Variants in PTPRM observed in about 807,000 individuals in gnomAD.
PTPRM encodes protein tyrosine phosphatase receptor type M, also known as receptor-type tyrosine-protein phosphatase mu.
PTPRM carries 47 observed loss-of-function variants against 186.7 expected under a neutral mutation model. That is an observed-to-expected ratio of 0.25 (90% CI 0.20 to 0.32). The LOEUF (loss-of-function observed/expected upper bound fraction) is 0.32, where lower values mean the gene tolerates loss of function less well. Ranked by LOEUF, PTPRM falls within the 10% of genes least tolerant of loss-of-function variation. PTPRM has a pLI of 1.00. For synonymous variants in PTPRM, 668 were observed against 674.9 expected, an observed-to-expected ratio of 0.99 and a Z score of 0.16; for missense variants, 1,494 against 1,865.0, an observed-to-expected ratio of 0.80 and a Z score of 3.66.
intron 2 of PTPRM, among the ~76,000 whole-genome samples, chr18:7,783,004 A>G (rs2042928845): frequency 6.6e-6 from 1 of 152,238 alleles, no homozygotes; most frequent in African/African-American, 2.4e-5. Context: ...AAGTATACAA[A>G]TTAGCCTGTG....
chr18:7,676,657 G>A (rs113215674), intron 1 of PTPRM, among the ~76,000 whole-genome samples: 60 of 127,356 alleles, frequency 4.7e-4, no homozygotes, highest in African/African-American at 1.4e-3. Flanking sequence ...GTGTGTGTGT[G>A]TGTGTATGTG....
intron 7 of PTPRM, among the ~76,000 whole-genome samples, chr18:7,959,018 A>T (rs1254170212): frequency 1.3e-5 from 2 of 152,182 alleles, no homozygotes; most frequent in Non-Finnish European, 2.9e-5. Context: ...TAGACATAGG[A>T]CTAGAGAAAA....
At chr18:8,054,654 G>A (rs974374730) in intron 7 of PTPRM, among the ~76,000 whole-genome samples, 2 of 151,662 alleles carry the variant, frequency 1.3e-5, no homozygotes, top group African/African-American at 2.4e-5. Context: ...TCTTGTTGTC[G>A]GCAGTCTAAT....
chr18:8,312,934 T>C (rs1466566542), intron 20 of PTPRM, among the ~76,000 whole-genome samples: 10 of 152,170 alleles, frequency 6.6e-5, no homozygotes, highest in Admixed American at 6.5e-4. Context: ...AGTTAGAAAA[T>C]TGACACCGAT....
chr18:7,576,946 A>G (rs138280425), intron 1 of PTPRM, among the ~76,000 whole-genome samples: 194 of 152,370 alleles, frequency 1.3e-3, no homozygotes, highest in African/African-American at 4.5e-3. Context: ...ACATACTCAT[A>G]ATGTGTAAAA....
At chr18:8,246,475 T>C (rs1265920474) in intron 15 of PTPRM, among the ~76,000 whole-genome samples, 1 of 152,194 alleles carries the variant, frequency 6.6e-6, no homozygotes. Context: ...TTAGTTTTTA[T>C]GCTAGAAGAT....
chr18:7,887,183 G>A (rs1259153048), intron 2 of PTPRM, among the ~76,000 whole-genome samples: 2 of 151,938 alleles, frequency 1.3e-5, no homozygotes, highest in African/African-American at 4.8e-5. Flanking sequence ...ACCTATGATA[G>A]CCTATTTTCC....
intron 14 of PTPRM, among the ~76,000 whole-genome samples, chr18:8,240,631 GAGAGAGAGAGAGAGAGAGAGAGAA>G (rs1568583421): frequency 9.1e-5 from 4 of 44,064 alleles, no homozygotes; most frequent in Non-Finnish European, 2.0e-4. Context: ...GAGAGAGAGA[GAGAGAGAGAGAGAGAGAGAGAGAA>G]AGAAAGAAAG....
intron 1 of PTPRM, among the ~76,000 whole-genome samples, chr18:7,651,224 A>G (rs528326574): frequency 5.9e-5 from 9 of 152,310 alleles, no homozygotes; most frequent in African/African-American, 2.2e-4. Flanking sequence ...CGCCTGACCA[A>G]GATGAGAGGA....
intron 2 of PTPRM, among the ~76,000 whole-genome samples, chr18:7,859,785 G>A (rs1333214546): frequency 6.6e-6 from 1 of 152,148 alleles, no homozygotes; most frequent in Non-Finnish European, 1.5e-5. Flanking sequence ...AGATTCAGGG[G>A]TTTTTACAGA....
chr18:7,960,480 T>TACACACACAC (rs74175819), intron 7 of PTPRM, among the ~76,000 whole-genome samples: 1 of 86,600 alleles, frequency 1.2e-5, no homozygotes, highest in African/African-American at 4.4e-5. Context: ...TATATATATA[T>TACACACACAC]ACACACACAC....
intron 1 of PTPRM, among the ~76,000 whole-genome samples, chr18:7,609,921 G>A (rs2037630912): frequency 6.6e-6 from 1 of 152,202 alleles, no homozygotes; most frequent in South Asian, 2.1e-4. Context: ...GGTAATAAGA[G>A]TTGTGGCAAT....
chr18:7,911,938 C>T (rs1568003255), intron 4 of PTPRM, among the ~76,000 whole-genome samples: 1 of 147,936 alleles, frequency 6.8e-6, no homozygotes, highest in African/African-American at 2.5e-5. Context: ...CTGCAACCTC[C>T]GCCTCCCACG....
chr18:7,688,199 A>G (rs4127386), intron 1 of PTPRM, among the ~76,000 whole-genome samples: 3 of 152,106 alleles, frequency 2.0e-5, no homozygotes, highest in Non-Finnish European at 2.9e-5. Context: ...CCAGCCCGGT[A>G]GCACTTTTGA....
intron 4 of PTPRM, among the ~76,000 whole-genome samples, chr18:7,925,742 T>A (rs1205756557): frequency 6.6e-6 from 1 of 152,196 alleles, no homozygotes; most frequent in East Asian, 1.9e-4. Context: ...ACTCTATCAT[T>A]GTTATAATAA....
At chr18:7,939,628 T>C (rs1404892075) in intron 5 of PTPRM, among the ~76,000 whole-genome samples, 1 of 152,208 alleles carries the variant, frequency 6.6e-6, no homozygotes, top group Non-Finnish European at 1.5e-5. Context: ...GGCATCATCA[T>C]TATGGTTATT....
At chr18:7,602,210 G>T (rs1401475005) in intron 1 of PTPRM, among the ~76,000 whole-genome samples, 1 of 152,136 alleles carries the variant, frequency 6.6e-6, no homozygotes, top group African/African-American at 2.4e-5. Flanking sequence ...TGGGGACCTT[G>T]GTGTAGTTGT....
intron 22 of PTPRM, among the ~76,000 whole-genome samples, chr18:8,338,704 T>C (rs1013524021): frequency 3.3e-5 from 5 of 152,204 alleles, no homozygotes; most frequent in African/African-American, 1.2e-4. Flanking sequence ...ACATGTAAAC[T>C]ACTTCAAACA....
intron 1 of PTPRM, among the ~76,000 whole-genome samples, chr18:7,627,836 G>A (rs2038097390): frequency 6.6e-6 from 1 of 152,178 alleles, no homozygotes; most frequent in Non-Finnish European, 1.5e-5. Context: ...AACAGTAGCA[G>A]TTAGTTAGGA....
Sources: gnomAD v4.1 joint callset for allele counts (sites outside exome capture counted in the v4.1 genomes callset) on GRCh38, gnomAD v4.1.1 for gene constraint, MANE v1.5 for transcripts, NCBI Gene and HGNC (gene_info 2026-07-23, HGNC 2026-07-21) for gene names.